CDH13: variants seen among roughly 807,000 people sequenced by gnomAD.
CDH13 encodes cadherin 13, also known as cadherin-13.
CDH13 carries 24 observed loss-of-function variants against 63.8 expected under a neutral mutation model. The observed-to-expected ratio is 0.38, with a 90% CI of 0.27 to 0.53. CDH13 has a LOEUF of 0.53. Ranked by LOEUF, CDH13 falls within the 20% of genes least tolerant of loss-of-function variation. The probability of loss-of-function intolerance (pLI) is 0.85; values close to 1 mark genes in which losing one functional copy is unlikely to be tolerated. For synonymous variants in CDH13, 503 were observed against 355.3 expected, an observed-to-expected ratio of 1.42 and a Z score of -4.67; for missense variants, 1,049 against 903.1, an observed-to-expected ratio of 1.16 and a Z score of -2.07.
chr16:82,769,998 G>A (rs2035201405), intron 1 of CDH13, among the ~76,000 whole-genome samples: 1 of 152,190 alleles, frequency 6.6e-6, no homozygotes, highest in Admixed American at 6.5e-5. Context: ...AGATTTCCCT[G>A]TTCTTGAATT....
chr16:83,782,441 A>G (rs189658292), intron 12 of CDH13, among the ~76,000 whole-genome samples: 141 of 152,304 alleles, frequency 9.3e-4, no homozygotes, highest in African/African-American at 3.2e-3. Context: ...TTGATCAAAA[A>G]AAACAAAAAC....
chr16:83,308,864 A>G (rs927802323), intron 5 of CDH13, among the ~76,000 whole-genome samples: 1 of 152,236 alleles, frequency 6.6e-6, no homozygotes, highest in African/African-American at 2.4e-5. Context: ...AAGATGCTGA[A>G]ACTTAAAGAA....
intron 3 of CDH13, among the ~76,000 whole-genome samples, chr16:83,036,667 G>T (rs570110430): frequency 6.6e-6 from 1 of 152,056 alleles, no homozygotes; most frequent in African/African-American, 2.4e-5. Flanking sequence ...TGTAAATTCT[G>T]ACCCTTGATA....
At chr16:83,733,908 C>A (rs897208889) in intron 10 of CDH13, among the ~76,000 whole-genome samples, 3 of 152,236 alleles carry the variant, frequency 2.0e-5, no homozygotes, top group African/African-American at 7.2e-5. Flanking sequence ...GAGACTTAGG[C>A]AGAGAGCCCC....
intron 7 of CDH13, among the ~76,000 whole-genome samples, chr16:83,555,997 A>G (rs948578535): frequency 6.6e-6 from 1 of 152,200 alleles, no homozygotes; most frequent in Non-Finnish European, 1.5e-5. Context: ...TGGTACCCAG[A>G]GGGTTTTAAC....
chr16:83,444,830 G>A (rs1416995107), intron 6 of CDH13, among the ~76,000 whole-genome samples: 2 of 152,276 alleles, frequency 1.3e-5, no homozygotes, highest in African/African-American at 2.4e-5. Context: ...TTGCCTGAAG[G>A]TATAAAATTC....
intron 1 of CDH13, chr16:82,727,842 C>T (rs1031470028): frequency 1.3e-5 from 2 of 152,180 alleles, no homozygotes; most frequent in Non-Finnish European, 2.9e-5. Flanking sequence ...ACCCACTCCA[C>T]CCATCTTTGC....
intron 1 of CDH13, among the ~76,000 whole-genome samples, chr16:82,745,145 A>G (rs1204144851): frequency 2.0e-5 from 3 of 152,166 alleles, no homozygotes; most frequent in East Asian, 1.9e-4. Context: ...GCTCTGGGAA[A>G]CAAAAGAATA....
chr16:83,495,034 A>C (rs2074102937), intron 7 of CDH13, among the ~76,000 whole-genome samples: 1 of 152,214 alleles, frequency 6.6e-6, no homozygotes, highest in African/African-American at 2.4e-5. Flanking sequence ...TTTCTTGGCC[A>C]ACAGGCAAAC....
At chr16:82,766,947 C>T (rs553549714) in intron 1 of CDH13, among the ~76,000 whole-genome samples, 1 of 152,198 alleles carries the variant, frequency 6.6e-6, no homozygotes, top group East Asian at 1.9e-4. Flanking sequence ...ATGTACCCAC[C>T]ACCTAGATTC....
chr16:83,662,747 T>C (rs1487069456), intron 8 of CDH13, among the ~76,000 whole-genome samples: 1 of 152,170 alleles, frequency 6.6e-6, no homozygotes, highest in African/African-American at 2.4e-5. Context: ...CCTGATGAGA[T>C]CAGTAGACAT....
At chr16:83,688,089 A>G (rs188556096) in intron 10 of CDH13, among the ~76,000 whole-genome samples, 28 of 152,342 alleles carry the variant, frequency 1.8e-4, no homozygotes, top group Non-Finnish European at 3.7e-4. Context: ...ATTTGTTAAA[A>G]TGCCCAATTT....
In CDH13 at chr16:83,112,526, A is replaced by C. The variant is rs185002088; in HGVS notation, c.367-12859A>C. ...GTGTTTGTGGGTTAGGAGTTAGAAGAAATAGCCAAAAAGGAGGTGTAATTA... is the reference window on the plus strand; with the variant it reads ...GTGTTTGTGGGTTAGGAGTTAGAAGCAATAGCCAAAAAGGAGGTGTAATTA... On this transcript the variant is annotated intron_variant, in intron 3 of 13. Coordinates refer to ENST00000567109, the MANE Select transcript of CDH13 (RefSeq NM_001257.5). Among the ~76,000 whole-genome samples the C allele has an allele frequency of 2.5e-3, 376 of 152,356 alleles. 2 individuals carry two copies. Among genetic ancestry groups the C allele is most frequent in the South Asian group, 0.015 (72 of 4,824 alleles).
At chr16:83,087,119 A>G (rs1299564094) in intron 3 of CDH13, among the ~76,000 whole-genome samples, 4 of 152,210 alleles carry the variant, frequency 2.6e-5, no homozygotes, top group Admixed American at 2.6e-4. Flanking sequence ...AGTTGACATA[A>G]AATGTACACA....
chr16:82,710,912 T>G (rs1462947761), intron 1 of CDH13, among the ~76,000 whole-genome samples: 1 of 151,654 alleles, frequency 6.6e-6, no homozygotes, highest in Non-Finnish European at 1.5e-5. Context: ...TGATTTGGCA[T>G]ATTTTATAAA....
At chr16:83,489,456 C>T (rs890940353) in intron 7 of CDH13, among the ~76,000 whole-genome samples, 1 of 152,184 alleles carries the variant, frequency 6.6e-6, no homozygotes, top group African/African-American at 2.4e-5. Context: ...AACATCAGTG[C>T]AATCCAAAGG....
chr16:82,830,716 C>G (rs535811011), intron 1 of CDH13, among the ~76,000 whole-genome samples: 1 of 152,152 alleles, frequency 6.6e-6, no homozygotes. Flanking sequence ...GCTGTATTGA[C>G]ACATGTTTGT....
At chr16:83,597,334 G>A (rs961250010) in intron 7 of CDH13, among the ~76,000 whole-genome samples, 2 of 152,206 alleles carry the variant, frequency 1.3e-5, no homozygotes, top group East Asian at 3.8e-4. Context: ...TTAGACAGCT[G>A]TTAAAATGAA....
chr16:83,415,194 T>G (rs529932259), intron 6 of CDH13, among the ~76,000 whole-genome samples: 1 of 149,382 alleles, frequency 6.7e-6, no homozygotes, highest in Admixed American at 6.6e-5. Flanking sequence ...AATGAGTAAA[T>G]TCCTAAAAAC....
Sources: gnomAD v4.1 joint callset for allele counts (sites outside exome capture counted in the v4.1 genomes callset) on GRCh38, gnomAD v4.1.1 for gene constraint, MANE v1.5 for transcripts, NCBI Gene and HGNC (gene_info 2026-07-23, HGNC 2026-07-21) for gene names.